The following COL5A3 variants were observed in gnomAD, a reference collection of about 807,000 sequenced individuals.
COL5A3 encodes collagen type V alpha 3 chain.
A neutral mutation model predicts 250.0 loss-of-function variants in COL5A3; 172 were observed. That is an observed-to-expected ratio of 0.69 (90% CI 0.61 to 0.78). The LOEUF is 0.78. Among genes scored for constraint, COL5A3 ranks in the 30% least tolerant of loss-of-function variants. The pLI is 0.00. For synonymous variants in COL5A3, 937 were observed against 900.4 expected (o/e 1.04, Z -0.73); for missense variants, 2,340 against 2,334.4 (o/e 1.00, Z -0.05).
Position 10,006,172 on chromosome 19 carries a change from C to T in COL5A3, c.148G>A (p.Gly50Arg). 1 of 1,609,092 alleles carries T rather than the reference C, an allele frequency of 6.2e-7. No homozygotes were observed. The highest frequency in any genetic ancestry group is 8.5e-7 in the Non-Finnish European group (1 of 1,177,958). Reference sequence around the variant, plus strand: ...GTCCTCTGGGGACAGAAGCCAGGCCCCTCGGGGACCCCAGCCTGGCCTCCC... The same window carrying T: ...GTCCTCTGGGGACAGAAGCCAGGCCTCTCGGGGACCCCAGCCTGGCCTCCC... ...VQGGQAGVPE[G>R]PGFCPQRTPE... Residue 50 changes from glycine (G) to arginine (R), a missense_variant, in exon 2 of 67, where the codon GGG becomes AGG. Gly to Arg is a moderately radical substitution (Grantham distance 125, BLOSUM62 -2). This residue lies in a region of COL5A3 where 1,152 missense variants were observed against 1,146.3 expected (regional missense o/e 1.00). Coordinates refer to ENST00000264828, the MANE Select transcript of COL5A3 (RefSeq NM_015719.4).
At chr19:9,989,958 G>T (rs924552443) in intron 24 of COL5A3, among the ~76,000 whole-genome samples, 13 of 151,810 alleles carry the variant, frequency 8.6e-5, no homozygotes, top group African/African-American at 3.1e-4. Context: ...CACTATGCTG[G>T]CCAGGCTGGT....
chr19:9,974,056 G>C, intron 47 of COL5A3, 84 bp from the exon 48 acceptor site: 3 of 1,515,202 alleles, frequency 2.0e-6, no homozygotes, highest in Non-Finnish European at 2.7e-6. Flanking sequence ...CACTGTCAAT[G>C]CTGGTGACCC....
intron 40 of COL5A3, 99 bp downstream of exon 40, chr19:9,978,792 C>T (rs181050040): frequency 1.6e-5 from 16 of 1,031,534 alleles, no homozygotes; most frequent in African/African-American, 1.7e-5. Context: ...TTGCTTTCAT[C>T]ATTTCCCGCA....
intron 5 of COL5A3, 33 bp from the exon 6 acceptor site, chr19:10,003,747 T>A: frequency 6.2e-7 from 1 of 1,612,690 alleles, no homozygotes; most frequent in South Asian, 1.1e-5. Context: ...GTCTAGAGCA[T>A]CCCACCAGCA....
intron 19 of COL5A3, 63 bp from the exon 20 acceptor site, chr19:9,993,130 C>G (rs900294837): frequency 1.9e-6 from 3 of 1,552,012 alleles, no homozygotes; most frequent in Non-Finnish European, 2.7e-6. Context: ...CACCTCCCCT[C>G]ATCTGGGCAG....
chr19:9,964,599 G>C (rs1264439510), intron 64 of COL5A3, among the ~76,000 whole-genome samples: 1 of 151,950 alleles, frequency 6.6e-6, no homozygotes, highest in African/African-American at 2.4e-5. Context: ...GTGAGACCCT[G>C]TCTGAAAAAC....
chr19:9,981,531 G>A (rs2087009145), intron 32 of COL5A3, among the ~76,000 whole-genome samples: 1 of 152,136 alleles, frequency 6.6e-6, no homozygotes, highest in Non-Finnish European at 1.5e-5. Flanking sequence ...ATGAAGGCCT[G>A]GATTCAGCTG....
At chr19:9,976,411 T>A in intron 45 of COL5A3, 147 bp downstream of exon 45, 1 of 587,326 alleles carries the variant, frequency 1.7e-6, no homozygotes, top group Admixed American at 3.9e-5. Context: ...GATTCTTGGA[T>A]TGAGTTCACA....
intron 64 of COL5A3, among the ~76,000 whole-genome samples, chr19:9,965,233 C>T (rs2086725654): frequency 6.7e-6 from 1 of 148,582 alleles, no homozygotes; most frequent in Admixed American, 6.8e-5. Context: ...CGGCTCACTG[C>T]AAGCTCCGCC....
chr19:9,973,921 C>G lies in COL5A3; in HGVS notation c.3556G>C (p.Glu1186Gln), dbSNP rs1472878028. ...PRGPQGPTGS[E>Q]GTPGLPGGVG... ...CCTGGCCCCCCAAGAGTTCTCACCTCTGATCCAGTGGGGCCTTGGGGACCC... is the reference window on the plus strand; with the variant it reads ...CCTGGCCCCCCAAGAGTTCTCACCTGTGATCCAGTGGGGCCTTGGGGACCC... Residue 1186 changes from glutamate (E) to glutamine (Q), a missense_variant and splice_region_variant, in exon 48 of 67, where the codon GAG becomes CAG. Transcript: ENST00000264828. 6.4e-7 allele frequency: 1 copy of G among 1,573,468 alleles called. No individual in the cohort carries two copies. The highest frequency in any genetic ancestry group is 2.3e-5 in the East Asian group (1 of 44,370).
intron 25 of COL5A3, 48 bp downstream of exon 25, chr19:9,989,421 C>G: frequency 6.2e-7 from 1 of 1,613,832 alleles, no homozygotes. Context: ...TTCCAATTCC[C>G]AAGGCTCCCC....
intron 27 of COL5A3, among the ~76,000 whole-genome samples, chr19:9,988,831 C>G (rs2087139455): frequency 4.0e-5 from 1 of 24,708 alleles, no homozygotes; most frequent in Non-Finnish European, 6.1e-5. Flanking sequence ...GAGACTCTGT[C>G]TCAAAAAAAA....
chr19:9,993,536 A>T, intron 18 of COL5A3, 83 bp downstream of exon 18: 1 of 1,578,874 alleles, frequency 6.3e-7, no homozygotes, highest in Non-Finnish European at 8.7e-7. Context: ...AGGGATCATG[A>T]CTCTGATACT....
rs1184146160 is a variant in COL5A3 at position 9,991,808 on chromosome 19, G to C, written c.1927C>G (p.Gln643Glu). 1.9e-6 allele frequency: 3 copies of C among 1,608,428 alleles called. No homozygotes were observed. The South Asian group carries it at 3.3e-5, about 18-fold the overall frequency. The stretch of plus-strand genomic sequence containing the variant: ...CAAACCTGGGACCCATGGTTTCCCT[G>C]CTGTCCCGGAGGGCCTGGTTCTCCT... ...PPGEPGPPGQ[Q>E]GNHGSQGLPG... Residue 643 changes from glutamine to glutamate, a missense_variant, in exon 23 of 67, where the codon CAG becomes GAG. Gln to Glu is a conservative substitution (Grantham distance 29). Coordinates refer to ENST00000264828, the MANE Select transcript of COL5A3 (RefSeq NM_015719.4).
At chr19:10,006,467 C>T (rs2087446038) in intron 1 of COL5A3, among the ~76,000 whole-genome samples, 1 of 151,824 alleles carries the variant, frequency 6.6e-6, no homozygotes, top group African/African-American at 2.4e-5. Flanking sequence ...TTTTTTTTCC[C>T]CTTGGTTTTT....
chr19:9,965,837 T>A (rs900632884), intron 64 of COL5A3, among the ~76,000 whole-genome samples: 4 of 152,070 alleles, frequency 2.6e-5, no homozygotes, highest in African/African-American at 9.7e-5. Flanking sequence ...TTGTTTTCTT[T>A]CCTTTCTTTT....
chr19:9,968,811 G>A lies in COL5A3; in HGVS notation c.4153-83C>T, dbSNP rs1332513498. On this transcript the variant is annotated intron_variant, in intron 57 of 66. Coordinates refer to ENST00000264828, the MANE Select transcript of COL5A3 (RefSeq NM_015719.4). The surrounding 1 kb of genome is among the most constrained non-coding windows in gnomAD (Gnocchi z 4.1). Reference sequence around the variant, plus strand: ...GGGTGGTTAGGGGATGGTCAAATGGGAAATTATGCAGATTTCAAATGGGAA... The same window carrying A: ...GGGTGGTTAGGGGATGGTCAAATGGAAAATTATGCAGATTTCAAATGGGAA... 8.4e-7 allele frequency: 1 copy of A among 1,197,130 alleles called. No individual in the cohort carries two copies. Among genetic ancestry groups the A allele is most frequent in the Non-Finnish European group, 1.2e-6 (1 of 830,990 alleles). The allele number at this position is 1,197,130 out of a possible 1,614,324, so 74.2% of individuals were successfully genotyped here.
Position 9,968,521 on chromosome 19 carries a change from G to A in COL5A3, c.4207-29C>T. 1 of 1,577,710 alleles carries A rather than the reference G, an allele frequency of 6.3e-7. No individual in the cohort carries two copies. Among genetic ancestry groups the A allele is most frequent in the South Asian group, 1.2e-5 (1 of 86,172 alleles). On this transcript the variant is annotated intron_variant, in intron 58 of 66. Coordinates refer to ENST00000264828, the MANE Select transcript of COL5A3 (RefSeq NM_015719.4). The surrounding 1 kb of genome is among the most constrained non-coding windows in gnomAD (Gnocchi z 4.1). ...AAGGACAAAAGAGGCACAGACAGGG[G>A]AGGACGTGGGAGGATTCAGGGAGGT...
In COL5A3 at chr19:10,005,548, G is replaced by C; in HGVS notation, c.594+10C>G. 3 of 1,613,800 alleles carry C rather than the reference G, an allele frequency of 1.9e-6. No homozygotes were observed. Among genetic ancestry groups the C allele is most frequent in the Non-Finnish European group, 2.5e-6 (3 of 1,179,790 alleles). ...CTCTGCCTCAGTTTCCCCCATCACT[G>C]AACTCCTACCTCGAAAGTCTTTTCC... On this transcript the variant is annotated intron_variant, in intron 4 of 66. Coordinates refer to ENST00000264828, the MANE Select transcript of COL5A3 (RefSeq NM_015719.4).
Sources: gnomAD v4.1 joint callset for allele counts (sites outside exome capture counted in the v4.1 genomes callset) on GRCh38, gnomAD v4.1.1 for gene constraint, gnomAD v4.1.1 regional missense constraint, Gnocchi (gnomAD v3.1) non-coding constraint, MANE v1.5 for transcripts, NCBI Gene and HGNC (gene_info 2026-07-23, HGNC 2026-07-21) for gene names.